Variants in ZNF451 observed in about 807,000 individuals in gnomAD.
ZNF451 encodes zinc finger protein 451, also known as E3 SUMO-protein ligase ZNF451.
ZNF451 carries 80 observed loss-of-function variants against 107.1 expected under a neutral mutation model. The observed-to-expected ratio is 0.75, with a 90% CI of 0.62 to 0.90. The LOEUF (loss-of-function observed/expected upper bound fraction) is 0.90. Among genes scored for constraint, ZNF451 ranks in the 40% least tolerant of loss-of-function variants. The pLI, the probability that ZNF451 is intolerant of heterozygous loss-of-function variation, is 0.00. For missense variants in ZNF451, 1,107 were observed against 1,236.2 expected, an observed-to-expected ratio of 0.90 and a Z score of 1.57; for synonymous variants, 362 against 406.5, an observed-to-expected ratio of 0.89 and a Z score of 1.32.
At chr6:57,165,369 G>A (rs1186420332) in intron 14 of ZNF451, 3 of 152,022 alleles carry the variant, frequency 2.0e-5, no homozygotes, top group Non-Finnish European at 4.4e-5. Flanking sequence ...TAGTTCACTT[G>A]ATGATGTCCC....
rs1487238002 is a variant in ZNF451 at position 57,153,960 on chromosome 6, C to T, written c.2983C>T (p.Gln995Ter). The change falls in exon 13 of 15, where the codon CAG (glutamine) becomes TAG (stop). Residue 995 changes from glutamine to a stop codon, truncating the protein, a stop_gained. Coordinates refer to ENST00000370706, the MANE Select transcript of ZNF451 (RefSeq NM_001031623.3). LOFTEE classifies it high-confidence loss of function. ...LELENQFKKT[Q>*]RPAHILNPHH... ...GCTAGAGAATCAATTTAAGAAGACT[C>T]AGAGGCCAGCTCATATACTAAACCC... 6.2e-7 allele frequency: 1 copy of T among 1,614,158 alleles called. No individual in the cohort carries two copies. Among genetic ancestry groups the T allele is most frequent in the Non-Finnish European group, 8.5e-7 (1 of 1,180,032 alleles).
chr6:57,128,708 G>T, intron 4 of ZNF451, 21 bp from the exon 5 acceptor site: 3 of 1,564,894 alleles, frequency 1.9e-6, no homozygotes, highest in Non-Finnish European at 2.6e-6. Context: ...TCTTAATTGA[G>T]TTTTTTCTTA....
chr6:57,109,828 T>C (rs1014543768), intron 3 of ZNF451: 2 of 583,560 alleles, frequency 3.4e-6, no homozygotes, highest in Non-Finnish European at 4.3e-6. Context: ...TGATAGATGG[T>C]ATTTTGTTAT....
At chr6:57,103,374 T>A in intron 3 of ZNF451, 1 of 985,420 alleles carries the variant, frequency 1.0e-6, no homozygotes, top group Non-Finnish European at 1.2e-6. Context: ...GTTAATTGGT[T>A]ACTTAATTTA....
intron 14 of ZNF451, chr6:57,165,029 T>C (rs1245966529): frequency 6.6e-6 from 1 of 152,216 alleles, no homozygotes; most frequent in Non-Finnish European, 1.5e-5. Context: ...GAGAATTTCT[T>C]TAGGAATAGT....
At chr6:57,094,584 C>A (rs191196850) in intron 2 of ZNF451, among the ~76,000 whole-genome samples, 1 of 152,086 alleles carries the variant, frequency 6.6e-6, no homozygotes, top group Non-Finnish European at 1.5e-5. Flanking sequence ...CAGGACCATA[C>A]GCAGTTATAG....
chr6:57,159,543 TTGCGTTTTCTTA>T, intron 13 of ZNF451: 5 of 304,444 alleles, frequency 1.6e-5, no homozygotes, highest in South Asian at 1.3e-4. Flanking sequence ...TTTTTTTTTT[TTGCGTTTTCTTA>T]TTTTGCTCAT....
intron 13 of ZNF451, chr6:57,158,376 A>G (rs1283176421): frequency 2.8e-6 from 1 of 362,854 alleles, no homozygotes; most frequent in Admixed American, 6.5e-5. Flanking sequence ...TTTTTTTGTC[A>G]GAAGAAATGA....
chr6:57,122,189 A>C (rs1374420778), intron 3 of ZNF451, among the ~76,000 whole-genome samples: 3 of 152,182 alleles, frequency 2.0e-5, no homozygotes, highest in African/African-American at 7.2e-5. Context: ...CATATTCAGA[A>C]GTGTAAAATT....
chr6:57,131,673 A>G (rs1831183650), intron 5 of ZNF451, among the ~76,000 whole-genome samples: 2 of 152,214 alleles, frequency 1.3e-5, no homozygotes, highest in Non-Finnish European at 2.9e-5. Context: ...TTAATCATAT[A>G]TAACCATTTT....
chr6:57,121,563 C>T (rs1247545233), intron 3 of ZNF451, among the ~76,000 whole-genome samples: 1 of 152,098 alleles, frequency 6.6e-6, no homozygotes, highest in East Asian at 1.9e-4. Flanking sequence ...CTACAAAAGT[C>T]AGTATCATCT....
At chr6:57,149,738 A>G (rs1832257962) in intron 10 of ZNF451, among the ~76,000 whole-genome samples, 1 of 152,208 alleles carries the variant, frequency 6.6e-6, no homozygotes, top group Non-Finnish European at 1.5e-5. Context: ...TCAGTGGTAA[A>G]GAATTAAATC....
In ZNF451 at chr6:57,169,791, T is replaced by C. The variant is rs1001735012; in HGVS notation, c.*1322T>C. ...GTGGCTTGAGAATTTATCAATCATC[T>C]TTCCGAAATGACCACATTGTGCTTT... On this transcript the variant is annotated 3_prime_UTR_variant, in exon 15 of 15. Coordinates refer to ENST00000370706, the MANE Select transcript of ZNF451 (RefSeq NM_001031623.3). 1 of 152,226 alleles carries C rather than the reference T, an allele frequency of 6.6e-6. No individual in the cohort carries two copies. Among genetic ancestry groups the C allele is most frequent in the African/African-American group, 2.4e-5 (1 of 41,458 alleles). The allele number at this position is 152,226 out of a possible 1,614,324, so 9.4% of individuals were successfully genotyped here.
chr6:57,107,642 A>C, intron 3 of ZNF451: 1 of 985,342 alleles, frequency 1.0e-6, no homozygotes, highest in Middle Eastern at 5.2e-4. Context: ...GTAGATGTTA[A>C]GGGCTTTACT....
Position 57,153,994 on chromosome 6 carries a change from T to TAA in ZNF451, c.3018_3019insAA (p.Glu1007LysfsTer5). ...GCTCATATACTAAACCCTCACCACTTAGAGGGAGATATGATGTGTGCCTTG... is the reference window on the plus strand; with the variant it reads ...GCTCATATACTAAACCCTCACCACTTAAAGAGGGAGATATGATGTGTGCCTTG... On this transcript the variant is annotated frameshift_variant, in exon 13 of 15. Transcript: ENST00000370706. LOFTEE classifies it high-confidence loss of function. 6.2e-7 allele frequency: 1 copy of TAA among 1,614,124 alleles called. No individual in the cohort carries two copies. The highest frequency in any genetic ancestry group is 8.5e-7 in the Non-Finnish European group (1 of 1,180,002).
chr6:57,164,656 T>A (rs1430642669), intron 14 of ZNF451, among the ~76,000 whole-genome samples: 1 of 152,238 alleles, frequency 6.6e-6, no homozygotes, highest in Non-Finnish European at 1.5e-5. Context: ...GACTATTCTC[T>A]TCATTTTATA....
chr6:57,108,506 C>T (rs1436045282), intron 3 of ZNF451: 1 of 985,170 alleles, frequency 1.0e-6, no homozygotes, highest in Non-Finnish European at 1.2e-6. Context: ...TCACTAAACA[C>T]AGTTTTCAAT....
In ZNF451 at chr6:57,128,831, A is replaced by T. The variant is rs765977771; in HGVS notation, c.415A>T (p.Lys139Ter). 6.2e-7 allele frequency: 1 copy of T among 1,608,068 alleles called. No individual in the cohort carries two copies. The highest frequency in any genetic ancestry group is 8.5e-7 in the Non-Finnish European group (1 of 1,177,644). ...AAGACTGTGTGTGGACCAGTGGCTA[A>T]AAATGCCAGGTATTCTTTAGAAATT... Reference protein sequence around the residue: ...AARLCVDQWLKMPGLKTGTIN... With the variant: ...AARLCVDQWL The change falls in exon 5 of 15, where the codon AAA (lysine) becomes TAA (stop). Residue 139 changes from lysine to a stop codon, truncating the protein, a stop_gained. Coordinates refer to ENST00000370706, the MANE Select transcript of ZNF451 (RefSeq NM_001031623.3). LOFTEE classifies it high-confidence loss of function.
chr6:57,153,937 T>A lies in ZNF451; in HGVS notation c.2960T>A (p.Leu987Gln). 6.2e-7 allele frequency: 1 copy of A among 1,614,180 alleles called. No homozygotes were observed. Among genetic ancestry groups the A allele is most frequent in the South Asian group, 1.1e-5 (1 of 91,082 alleles). The change falls in exon 13 of 15, where the codon CTA becomes CAA. Residue 987 changes from leucine to glutamine, a missense_variant. Coordinates refer to ENST00000370706, the MANE Select transcript of ZNF451 (RefSeq NM_001031623.3). ...ILSGDQGFLE[L>Q]ENQFKKTQRP... ...TCAGGAGATCAAGGTTTTCTGGAGC[T>A]AGAGAATCAATTTAAGAAGACTCAG... is the stretch of plus-strand genomic sequence containing the variant.
Sources: allele counts gnomAD v4.1 joint callset (sites outside exome capture counted in the v4.1 genomes callset), GRCh38; gene constraint gnomAD v4.1.1; transcripts MANE v1.5; gene names NCBI Gene and HGNC (gene_info 2026-07-23, HGNC 2026-07-21).